The following CIMIP2C variants were observed in gnomAD, a reference collection of about 807,000 sequenced individuals.
CIMIP2C encodes the protein ciliary microtubule inner protein 2C, also known as UPF0573 protein C2orf70.
At chr2:26,565,677 C>T in the CIMIP2C span, among the ~76,000 whole-genome samples, 1 of 152,216 alleles carries the variant, frequency 6.6e-6, no homozygotes, top group Admixed American at 6.5e-5. Context: ...CCTCACCTAC[C>T]TTATCTGTTC....
chr2:26,566,599 A>G, the CIMIP2C span, among the ~76,000 whole-genome samples: 3 of 152,236 alleles, frequency 2.0e-5, no homozygotes, highest in African/African-American at 7.2e-5. Flanking sequence ...ACAGCTGTGC[A>G]CCATTATATA....
At chr2:26,578,991 C>G in the CIMIP2C span, 4 of 501,538 alleles carry the variant, frequency 8.0e-6, no homozygotes, top group Non-Finnish European at 1.2e-5. Flanking sequence ...TTCCTCAAGT[C>G]AAAGCTAAGA....
the CIMIP2C span, among the ~76,000 whole-genome samples, chr2:26,568,836 T>TA: frequency 1.3e-5 from 2 of 151,830 alleles, no homozygotes; most frequent in East Asian, 3.9e-4. Context: ...GTCTGGCCAA[T>TA]ATGGCAAAAC....
chr2:26,579,010 C>T, the CIMIP2C span: 2 of 525,278 alleles, frequency 3.8e-6, no homozygotes, highest in Non-Finnish European at 7.3e-6. Context: ...GAGGGGGATA[C>T]CACCACTGGG....
At chr2:26,575,978 G>A in the CIMIP2C span, 3 of 1,613,844 alleles carry the variant, frequency 1.9e-6, no homozygotes, top group Admixed American at 5.0e-5. Flanking sequence ...GTACTTCCAG[G>A]ACCACCGCAA....
chr2:26,574,849 T>A, the CIMIP2C span, among the ~76,000 whole-genome samples: 29 of 152,216 alleles, frequency 1.9e-4, no homozygotes, highest in Admixed American at 2.0e-4. Context: ...TCCACCGACC[T>A]GCAGCAGCAA....
At chr2:26,578,688 AT>A in the CIMIP2C span, 6,529 of 466,976 alleles carry the variant, frequency 0.014, 73 homozygotes, top group Non-Finnish European at 0.023. Flanking sequence ...GGGGACAGGT[AT>A]CCTCTTGAGA....
At chr2:26,567,548 G>A in the CIMIP2C span, among the ~76,000 whole-genome samples, 1 of 152,222 alleles carries the variant, frequency 6.6e-6, no homozygotes, top group Admixed American at 6.5e-5. Flanking sequence ...TGGGGCCTGG[G>A]GCTTTACCCT....
chr2:26,575,850 C>A, the CIMIP2C span: 1 of 1,586,552 alleles, frequency 6.3e-7, no homozygotes, highest in Non-Finnish European at 8.6e-7. Flanking sequence ...TTGGAACAGG[C>A]CTGGGGCCCT....
the CIMIP2C span, among the ~76,000 whole-genome samples, chr2:26,571,840 T>C: frequency 6.6e-6 from 1 of 152,148 alleles, no homozygotes; most frequent in Non-Finnish European, 1.5e-5. Flanking sequence ...TGGATGGATA[T>C]AAAGACAGAC....
the CIMIP2C span, chr2:26,576,232 G>A: frequency 1.8e-5 from 28 of 1,560,682 alleles, no homozygotes; most frequent in African/African-American, 8.1e-5. Context: ...CCCCCACCAC[G>A]GGAAGGGAGT....
chr2:26,564,809 T>C, the CIMIP2C span, among the ~76,000 whole-genome samples: 1 of 152,202 alleles, frequency 6.6e-6, no homozygotes, highest in Non-Finnish European at 1.5e-5. Flanking sequence ...ATATTCATGC[T>C]GGTGTGGACC....
At chr2:26,571,036 G>T in the CIMIP2C span, among the ~76,000 whole-genome samples, 1 of 152,158 alleles carries the variant, frequency 6.6e-6, no homozygotes, top group East Asian at 1.9e-4. Context: ...AGGAAGAGCA[G>T]TTTCAGTGGC....
chr2:26,565,537 A>C, the CIMIP2C span, among the ~76,000 whole-genome samples: 28 of 152,210 alleles, frequency 1.8e-4, no homozygotes, highest in Non-Finnish European at 3.1e-4. Flanking sequence ...GTGGTGTTTC[A>C]CACTGCCTCC....
the CIMIP2C span, among the ~76,000 whole-genome samples, chr2:26,565,337 C>T: frequency 1.7e-3 from 254 of 152,304 alleles, 1 homozygote; most frequent in African/African-American, 5.5e-3. Context: ...ATGATCAACC[C>T]GCCTTGGCCT....
chr2:26,565,083 C>T, the CIMIP2C span, among the ~76,000 whole-genome samples: 2 of 151,484 alleles, frequency 1.3e-5, no homozygotes, highest in East Asian at 3.9e-4. Flanking sequence ...TTCCCCTTCC[C>T]CTTCCCCTAC....
chr2:26,570,302 C>A, the CIMIP2C span, among the ~76,000 whole-genome samples: 20 of 152,320 alleles, frequency 1.3e-4, no homozygotes, highest in East Asian at 3.7e-3. Context: ...CCCCTGTAGG[C>A]GGGATGCTTC....
At chr2:26,565,627 C>T in the CIMIP2C span, among the ~76,000 whole-genome samples, 1 of 152,200 alleles carries the variant, frequency 6.6e-6, no homozygotes, top group Admixed American at 6.5e-5. Flanking sequence ...ATCCTGGCTC[C>T]ATGACTTCCT....
At chr2:26,569,479 T>C in the CIMIP2C span, among the ~76,000 whole-genome samples, 1 of 152,086 alleles carries the variant, frequency 6.6e-6, no homozygotes, top group Admixed American at 6.6e-5. Flanking sequence ...CTGTCCTCAG[T>C]AGGAGGCGTT....
Sources: allele counts gnomAD v4.1 joint callset (sites outside exome capture counted in the v4.1 genomes callset), GRCh38; gene constraint gnomAD v4.1.1; transcripts MANE v1.5; gene names NCBI Gene and HGNC (gene_info 2026-07-23, HGNC 2026-07-21).